The following CHST13 variants were observed in gnomAD, a reference collection of about 807,000 sequenced individuals.
CHST13 encodes carbohydrate sulfotransferase 13.
Under a neutral mutation model 7.0 loss-of-function variants are expected in CHST13, and 1 was observed. The observed-to-expected ratio is 0.14, with a 90% CI of 0.05 to 0.68. CHST13 has a LOEUF of 0.68. CHST13 is among the 30% of genes least tolerant of loss of function. CHST13 has a pLI of 0.82. For synonymous variants in CHST13, 257 were observed against 240.9 expected (o/e 1.07, Z -0.62); for missense variants, 572 against 507.9 (o/e 1.13, Z -1.21).
rs1560142802 is a variant in CHST13, at chr3:126,539,896, A to AAACACACACCACACC, written c.181-1837_181-1836insAACACACACCACACC. Reference sequence around the variant, plus strand: ...ACACACACACAAACACACACCACACATACACCATACATACACCACACACAC... The same window carrying AAACACACACCACACC: ...ACACACACACAAACACACACCACACAAACACACACCACACCTACACCATACATACACCACACACAC... On this transcript the variant is annotated intron_variant, in intron 2 of 2. Transcript: ENST00000319340. Among the ~76,000 whole-genome samples the AAACACACACCACACC allele has an allele frequency of 3.8e-3, 10 of 2,662 alleles. 5 individuals are homozygous for AAACACACACCACACC. Among genetic ancestry groups the AAACACACACCACACC allele is most frequent in the East Asian group, 0.017 (2 of 120 alleles). The allele number at this position is 2,662 out of a possible 152,430, so 1.7% of individuals were successfully genotyped here. A position where few individuals can be genotyped will look rare whatever the true frequency, so the allele number is the denominator to read the frequency against.
Position 126,542,105 on chromosome 3 carries a change from C to T in CHST13, c.553C>T (p.Arg185Cys). Residue 185 changes from arginine to cysteine, a missense_variant, in exon 3 of 3, where the codon CGC becomes TGC. Transcript: ENST00000319340. The stretch of plus-strand genomic sequence containing the variant: ...CTTCGAGCGCCTGGCATCGGCTTAC[C>T]GCAACAAGCTCGCGCGCCCCTACAG... ...EPFERLASAY[R>C]NKLARPYSAA... 1.3e-6 allele frequency: 2 copies of T among 1,581,716 alleles called. No homozygotes were observed. Among genetic ancestry groups the T allele is most frequent in the Non-Finnish European group, 1.7e-6 (2 of 1,168,196 alleles).
intron 1 of CHST13, chr3:126,527,463 C>T (rs1310257951): frequency 6.6e-6 from 1 of 152,382 alleles, no homozygotes; most frequent in South Asian, 2.1e-4. Flanking sequence ...GCAACTCCAA[C>T]CCAAAGCTAG....
At chr3:126,529,910 C>T (rs1936616036) in intron 1 of CHST13, among the ~76,000 whole-genome samples, 1 of 152,252 alleles carries the variant, frequency 6.6e-6, no homozygotes, top group African/African-American at 2.4e-5. Context: ...CCTGTTCTGT[C>T]TGCTCCTCTG....
At position 126,538,458 on chromosome 3, in the gene CHST13, T is replaced by C. The variant is rs1936846960; in HGVS notation, c.180+2105T>C. On this transcript the variant is annotated intron_variant, in intron 2 of 2. Coordinates refer to ENST00000319340, the MANE Select transcript of CHST13 (RefSeq NM_152889.3). Reference sequence around the variant, plus strand: ...TCGCCTCAGGCAGAGCCAGGCCACATTCCCCCCGAACCCCCGGACCCAGTG... The same window carrying C: ...TCGCCTCAGGCAGAGCCAGGCCACACTCCCCCCGAACCCCCGGACCCAGTG... Among the ~76,000 whole-genome samples, 3 of 152,198 alleles carry C rather than the reference T, an allele frequency of 2.0e-5. No individual in the cohort carries two copies. The South Asian group carries it at 6.2e-4, about 31-fold the overall frequency.
intron 1 of CHST13, among the ~76,000 whole-genome samples, chr3:126,528,907 A>G (rs921868434): frequency 2.6e-5 from 4 of 152,238 alleles, no homozygotes; most frequent in Non-Finnish European, 5.9e-5. Flanking sequence ...CACCCCAGAA[A>G]GCCCCTAGGG....
chr3:126,531,311 G>A (rs1439852344), intron 1 of CHST13, among the ~76,000 whole-genome samples: 1 of 152,230 alleles, frequency 6.6e-6, no homozygotes, highest in East Asian at 1.9e-4. Flanking sequence ...AGGTCAGTTT[G>A]CCAAAAGACC....
At chr3:126,536,663 C>T (rs1056304949) in intron 2 of CHST13, among the ~76,000 whole-genome samples, 1 of 152,032 alleles carries the variant, frequency 6.6e-6, no homozygotes, top group Admixed American at 6.6e-5. Context: ...TTTACAGTCT[C>T]GTGGGAGACT....
At chr3:126,536,863 GCT>G (rs75727605) in intron 2 of CHST13, among the ~76,000 whole-genome samples, 78,092 of 141,404 alleles carry the variant, frequency 0.55, 23,084 homozygotes, top group South Asian at 0.74. Flanking sequence ...CCACACTCTG[GCT>G]CTCTCTCTCT....
In CHST13 at chr3:126,524,271, C is replaced by T; in HGVS notation, c.-62C>T. The T allele has an allele frequency of 8.4e-7, 1 of 1,188,754 alleles. No individual in the cohort carries two copies. The highest frequency in any genetic ancestry group is 1.0e-6 in the Non-Finnish European group (1 of 954,232). 73.6% of individuals were successfully genotyped at this position (1,188,754 alleles called of 1,614,324 possible). On this transcript the variant is annotated 5_prime_UTR_variant, in exon 1 of 3. Transcript: ENST00000319340. ...GCGCTGCCGGGGCCGGGTCCTGGGCCAGTGCAACTCCGCCCCCAGCCGTAT... is the reference window on the plus strand; with the variant it reads ...GCGCTGCCGGGGCCGGGTCCTGGGCTAGTGCAACTCCGCCCCCAGCCGTAT...
Position 126,524,329 on chromosome 3 carries a change from C to T in CHST13, c.-4C>T, listed in dbSNP as rs932054009. 2.8e-5 allele frequency: 34 copies of T among 1,235,164 alleles called. No individual in the cohort carries two copies. Among genetic ancestry groups the T allele is most frequent in the Non-Finnish European group, 3.3e-5 (33 of 989,826 alleles). 76.5% of individuals were successfully genotyped at this position (1,235,164 alleles called of 1,614,324 possible). ...ACTGTCCTCCGCCGCGCGCCCGGCA[C>T]AGCATGGGGAGGCGCTGCTGCCGGC... is the stretch of plus-strand genomic sequence containing the variant. On this transcript the variant is annotated 5_prime_UTR_variant, in exon 1 of 3. Transcript: ENST00000319340.
chr3:126,541,204 C>A (rs1259078016), intron 2 of CHST13, among the ~76,000 whole-genome samples: 1 of 152,084 alleles, frequency 6.6e-6, no homozygotes, highest in Non-Finnish European at 1.5e-5. Context: ...CCTGTCCCAG[C>A]GCTGAGATAA....
chr3:126,529,099 C>G (rs1284222917), intron 1 of CHST13: 2 of 378,012 alleles, frequency 5.3e-6, no homozygotes, highest in Non-Finnish European at 1.0e-5. Context: ...AGTCTGCAAA[C>G]AGCATCCCCC....
In CHST13 at chr3:126,541,800, G is replaced by A; in HGVS notation, c.248G>A (p.Arg83His). 1 of 1,550,322 alleles carries A rather than the reference G, an allele frequency of 6.5e-7. No homozygotes were observed. The highest frequency in any genetic ancestry group is 2.4e-5 in the East Asian group (1 of 40,938). Residue 83 changes from arginine (R) to histidine (H), a missense_variant, in exon 3 of 3, where the codon CGC (arginine) becomes CAC (histidine). Physicochemically the swap from Arg to His is conservative, Grantham distance 29 (BLOSUM62 0). Transcript: ENST00000319340. ...GACCTGCTGAACAGCGCCTGTAGCC[G>A]CCACTCACGCCGGCAGCGCCTGCTA... is the stretch of plus-strand genomic sequence containing the variant. ...RRDLLNSACSRHSRRQRLLQP... is the reference protein window; with the variant it reads ...RRDLLNSACSHHSRRQRLLQP...
Position 126,536,281 on chromosome 3 carries a change from C to T in CHST13, c.108C>T (p.Asn36=). 2.5e-6 allele frequency: 4 copies of T among 1,613,874 alleles called. No homozygotes were observed. Among genetic ancestry groups the T allele is most frequent in the Non-Finnish European group, 3.4e-6 (4 of 1,179,828 alleles). ...TCCTTATGCCCACAGCATTTGGAAA[C>T]AGAGCCCTGGGCTCCAGCTGGCTTG... The part of the protein sequence containing the change: ...APRSLRPAFG[N]RALGSSWLGG... The change falls in exon 2 of 3, where the codon AAC becomes AAT. Residue 36 remains asparagine, a synonymous_variant. Coordinates refer to ENST00000319340, the MANE Select transcript of CHST13 (RefSeq NM_152889.3).
chr3:126,526,995 C>T (rs1413665640), intron 1 of CHST13: 1 of 152,236 alleles, frequency 6.6e-6, no homozygotes, highest in Non-Finnish European at 1.5e-5. Context: ...AATACCCCTG[C>T]CTCGAGGAGC....
Position 126,542,028 on chromosome 3 carries a change from A to C in CHST13, c.476A>C (p.Glu159Ala). ...TCACTGGCCGACTTCAGCCCCGCCG[A>C]GATCAACCGGCGCCTGCGCGCCTAC... is the stretch of plus-strand genomic sequence containing the variant. ...LPSLADFSPA[E>A]INRRLRAYLA... The change falls in exon 3 of 3, where the codon GAG becomes GCG. Residue 159 changes from glutamate to alanine, a missense_variant. Coordinates refer to ENST00000319340, the MANE Select transcript of CHST13 (RefSeq NM_152889.3). 1 of 1,570,286 alleles carries C rather than the reference A, an allele frequency of 6.4e-7. No homozygotes were observed. Among genetic ancestry groups the C allele is most frequent in the Non-Finnish European group, 8.6e-7 (1 of 1,162,224 alleles).
In CHST13 at chr3:126,541,811, C is replaced by A; in HGVS notation, c.259C>A (p.Arg87=). 1 of 1,558,080 alleles carries A rather than the reference C, an allele frequency of 6.4e-7. No individual in the cohort carries two copies. Among genetic ancestry groups the A allele is most frequent in the African/African-American group, 1.4e-5 (1 of 72,722 alleles). ...LNSACSRHSR[R]QRLLQPEDLR... ...CAGCGCCTGTAGCCGCCACTCACGC[C>A]GGCAGCGCCTGCTACAGCCGGAGGA... Residue 87 remains arginine, a synonymous_variant, in exon 3 of 3, where the codon CGG becomes AGG. Transcript: ENST00000319340.
In CHST13 at chr3:126,524,447, G is replaced by A. The variant is rs1015487151; in HGVS notation, c.97+18G>A. 9.1e-6 allele frequency: 9 copies of A among 988,014 alleles called. No homozygotes were observed. Among genetic ancestry groups the A allele is most frequent in the Admixed American group, 4.3e-5 (1 of 23,012 alleles). 61.2% of individuals were successfully genotyped at this position (988,014 alleles called of 1,614,324 possible). On this transcript the variant is annotated intron_variant, in intron 1 of 2. Transcript: ENST00000319340. ...GCGCCCGGGTGAGTGCCCGCCGGCC[G>A]AGCCGCGCACCCCCAACCAAACCTG...
rs1457529186 is a variant in CHST13 at position 126,542,068 on chromosome 3, C to T, written c.516C>T (p.Phe172=). Residue 172 remains phenylalanine, a synonymous_variant, in exon 3 of 3, where the codon TTC becomes TTT. Coordinates refer to ENST00000319340, the MANE Select transcript of CHST13 (RefSeq NM_152889.3). ...TGCGCGCCTACTTGGCCTTCCTGTTCGTGCGGGAGCCCTTCGAGCGCCTGG... is the reference window on the plus strand; with the variant it reads ...TGCGCGCCTACTTGGCCTTCCTGTTTGTGCGGGAGCCCTTCGAGCGCCTGG... ...RRLRAYLAFL[F]VREPFERLAS... The T allele has an allele frequency of 1.9e-6, 3 of 1,582,224 alleles. No individual in the cohort carries two copies. The highest frequency in any genetic ancestry group is 2.6e-6 in the Non-Finnish European group (3 of 1,168,606).
Sources: gnomAD v4.1 joint callset for allele counts (sites outside exome capture counted in the v4.1 genomes callset) on GRCh38, gnomAD v4.1.1 for gene constraint, MANE v1.5 for transcripts, NCBI Gene and HGNC (gene_info 2026-07-23, HGNC 2026-07-21) for gene names.